The following DAPK1 variants were observed in gnomAD, a reference collection of about 807,000 sequenced individuals.
DAPK1 encodes death-associated protein kinase 1.
A neutral mutation model predicts 144.9 loss-of-function variants in DAPK1; 56 were observed. The observed-to-expected ratio is 0.39, with a 90% CI of 0.31 to 0.48. The LOEUF is 0.48. Among genes scored for constraint, DAPK1 ranks in the 20% least tolerant of loss-of-function variants. The pLI is 0.95. For synonymous variants in DAPK1, 690 were observed against 749.0 expected (o/e 0.92, Z 1.29); for missense variants, 1,454 against 1,875.4 (o/e 0.78, Z 4.15).
intron 2 of DAPK1, among the ~76,000 whole-genome samples, chr9:87,582,988 T>C (rs1827806839): frequency 6.6e-6 from 1 of 152,062 alleles, no homozygotes; most frequent in South Asian, 2.1e-4. Context: ...CCTTCATCTT[T>C]TGTCAAGAAG....
intron 20 of DAPK1, among the ~76,000 whole-genome samples, chr9:87,683,087 T>TTA (rs1554704275): frequency 3.8e-5 from 4 of 104,848 alleles, no homozygotes; most frequent in Admixed American, 1.9e-4. Flanking sequence ...TTTTATTTAT[T>TTA]TTTTTTTTTT....
intron 2 of DAPK1, among the ~76,000 whole-genome samples, chr9:87,539,433 T>TA (rs1825964859): frequency 6.8e-6 from 1 of 147,964 alleles, no homozygotes; most frequent in Non-Finnish European, 1.5e-5. Context: ...TTTCTCACTT[T>TA]TTTTTTTTTT....
intron 17 of DAPK1, among the ~76,000 whole-genome samples, chr9:87,655,169 G>C (rs1197259884): frequency 6.6e-6 from 1 of 152,148 alleles, no homozygotes; most frequent in African/African-American, 2.4e-5. Flanking sequence ...CTTGGAATTA[G>C]CAGCAAAATT....
intron 2 of DAPK1, among the ~76,000 whole-genome samples, chr9:87,569,886 T>A (rs2118733902): frequency 6.6e-6 from 1 of 152,354 alleles, no homozygotes; most frequent in Admixed American, 6.5e-5. Context: ...AATTGGTAAA[T>A]AAAGTTTTAG....
intron 2 of DAPK1, among the ~76,000 whole-genome samples, chr9:87,532,565 A>C (rs974789809): frequency 2.6e-5 from 4 of 152,210 alleles, no homozygotes; most frequent in African/African-American, 9.6e-5. Flanking sequence ...TATTCATTTC[A>C]TGTATATTAT....
chr9:87,505,777 C>T (rs779450396), intron 2 of DAPK1, among the ~76,000 whole-genome samples: 7 of 152,148 alleles, frequency 4.6e-5, no homozygotes, highest in Admixed American at 2.0e-4. Context: ...GCAACCTCTG[C>T]CTCCCCAGTT....
Position 87,707,580 on chromosome 9 carries a change from A to G in DAPK1, c.*216A>G. On this transcript the variant is annotated 3_prime_UTR_variant, in exon 26 of 26. Transcript: ENST00000408954. The surrounding 1 kb of genome is among the most constrained non-coding windows in gnomAD (Gnocchi z 4.0). Reference sequence around the variant, plus strand: ...GATGGTCATTGCAGTTTAAGAGCAGAACAGATCTTTTACTTTGGCCGCTTG... The same window carrying G: ...GATGGTCATTGCAGTTTAAGAGCAGGACAGATCTTTTACTTTGGCCGCTTG... 2 of 585,362 alleles carry G rather than the reference A, an allele frequency of 3.4e-6. No individual in the cohort carries two copies. Among genetic ancestry groups the G allele is most frequent in the Non-Finnish European group, 6.1e-6 (2 of 330,494 alleles). The allele number at this position is 585,362 out of a possible 1,614,324, so 36.3% of individuals were successfully genotyped here.
At chr9:87,693,226 C>A (rs1032304715) in intron 21 of DAPK1, among the ~76,000 whole-genome samples, 1 of 151,202 alleles carries the variant, frequency 6.6e-6, no homozygotes, top group Non-Finnish European at 1.5e-5. Flanking sequence ...TATTTGATTG[C>A]TTTATGGTGT....
At chr9:87,601,283 G>T (rs996269175) in intron 2 of DAPK1, among the ~76,000 whole-genome samples, 2 of 152,208 alleles carry the variant, frequency 1.3e-5, no homozygotes, top group African/African-American at 4.8e-5. Context: ...TGCCCTACAG[G>T]CTTACCCATC....
intron 2 of DAPK1, among the ~76,000 whole-genome samples, chr9:87,598,343 A>C (rs143376917): frequency 6.6e-6 from 1 of 152,366 alleles, no homozygotes; most frequent in Non-Finnish European, 1.5e-5. Context: ...TGTTAGATTT[A>C]AACCAGATCT....
At chr9:87,603,510 T>C (rs1411309491) in intron 2 of DAPK1, among the ~76,000 whole-genome samples, 1 of 152,250 alleles carries the variant, frequency 6.6e-6, no homozygotes, top group Admixed American at 6.5e-5. Flanking sequence ...GTGTTCCTTC[T>C]TCACTGGCCT....
At chr9:87,659,433 C>G (rs1170574608) in intron 18 of DAPK1, among the ~76,000 whole-genome samples, 1 of 152,194 alleles carries the variant, frequency 6.6e-6, no homozygotes, top group Non-Finnish European at 1.5e-5. Context: ...CAGTTACTCC[C>G]TAATAGAGCA....
chr9:87,618,598 A>G (rs1374334238), intron 3 of DAPK1, among the ~76,000 whole-genome samples: 1 of 152,230 alleles, frequency 6.6e-6, no homozygotes, highest in African/African-American at 2.4e-5. Flanking sequence ...CAAGGAAAAT[A>G]ACTGTGACAA....
At chr9:87,517,683 C>T (rs1270190146) in intron 2 of DAPK1, among the ~76,000 whole-genome samples, 2 of 152,150 alleles carry the variant, frequency 1.3e-5, no homozygotes, top group Non-Finnish European at 2.9e-5. Context: ...GTGTTGTGCA[C>T]GTTTTCATCC....
At chr9:87,518,105 G>GTTTTTTT (rs1178414186) in intron 2 of DAPK1, among the ~76,000 whole-genome samples, 9 of 35,632 alleles carry the variant, frequency 2.5e-4, no homozygotes, top group South Asian at 1.8e-3. Context: ...TTATGTTGTT[G>GTTTTTTT]TTTTTTTTTT....
chr9:87,507,828 C>T (rs1441267763), intron 2 of DAPK1, among the ~76,000 whole-genome samples: 1 of 152,016 alleles, frequency 6.6e-6, no homozygotes, highest in Non-Finnish European at 1.5e-5. Context: ...TCTTTTGGGA[C>T]ACATTTTATT....
rs118002043 is a variant in DAPK1 at position 87,589,306 on chromosome 9, A to G, written c.63-15648A>G. On this transcript the variant is annotated intron_variant, in intron 2 of 25. Transcript: ENST00000408954. ...GTTTGTGAATTCATGGCAGATGTCT[A>G]ACTTCCCTCACCACCTTTCCGATAT... Among the ~76,000 whole-genome samples the G allele has an allele frequency of 3.9e-3, 588 of 152,220 alleles. 2 individuals are homozygous for G. The highest frequency in any genetic ancestry group is 6.4e-3 in the Non-Finnish European group (434 of 67,996).
At chr9:87,668,475 C>T in intron 18 of DAPK1, 122 bp from the exon 19 acceptor site, 1 of 728,746 alleles carries the variant, frequency 1.4e-6, no homozygotes, top group Non-Finnish European at 2.5e-6. Context: ...GCTCTTTGTC[C>T]ACCTGGCTTG....
At chr9:87,634,610 G>C (rs986499357) in intron 3 of DAPK1, among the ~76,000 whole-genome samples, 2 of 152,218 alleles carry the variant, frequency 1.3e-5, no homozygotes, top group Non-Finnish European at 2.9e-5. Flanking sequence ...GCCTGAAGGA[G>C]GATGGCACAA....
Sources: gnomAD v4.1 joint callset for allele counts (sites outside exome capture counted in the v4.1 genomes callset) on GRCh38, gnomAD v4.1.1 for gene constraint, Gnocchi (gnomAD v3.1) non-coding constraint, MANE v1.5 for transcripts, NCBI Gene and HGNC (gene_info 2026-07-23, HGNC 2026-07-21) for gene names.